KCNJ3: variants seen among roughly 807,000 people sequenced by gnomAD.
KCNJ3 encodes the protein G protein-activated inward rectifier potassium channel 1.
KCNJ3 carries 4 observed loss-of-function variants against 39.2 expected under a neutral mutation model. The observed-to-expected ratio is 0.10, with a 90% CI of 0.05 to 0.23. The LOEUF (loss-of-function observed/expected upper bound fraction) is 0.23. Ranked by LOEUF, KCNJ3 falls within the 10% of genes least tolerant of loss-of-function variation. The pLI is 1.00. For missense variants in KCNJ3, 276 were observed against 634.9 expected (o/e 0.43, Z 6.08); for synonymous variants, 230 against 237.4 (o/e 0.97, Z 0.29).
chr2:154,699,775 T>TAGTG lies in KCNJ3; in HGVS notation c.702+299_702+302dup, dbSNP rs909084976. 6.6e-6 allele frequency among the ~76,000 whole-genome samples: 1 copy of TAGTG among 152,118 alleles called. No homozygotes were observed. The highest frequency in any genetic ancestry group is 2.4e-5 in the African/African-American group (1 of 41,450). On this transcript the variant is annotated intron_variant, in intron 1 of 2. Coordinates refer to ENST00000295101, the MANE Select transcript of KCNJ3 (RefSeq NM_002239.4). The surrounding 1 kb of genome is among the most constrained non-coding windows in gnomAD (Gnocchi z 6.4). ...TGGCTCCTGGAGCCATGAGGGCAAT[T>TAGTG]AGTGCCCTGTTCGCCTTCCTGTCCC...
At chr2:154,777,125 A>G (rs538566943) in intron 2 of KCNJ3, among the ~76,000 whole-genome samples, 1 of 152,306 alleles carries the variant, frequency 6.6e-6, no homozygotes, top group African/African-American at 2.4e-5. Flanking sequence ...CAAAATAGCA[A>G]ATCCAGCCTG....
intron 2 of KCNJ3, among the ~76,000 whole-genome samples, chr2:154,815,942 A>G (rs1687077060): frequency 6.6e-6 from 1 of 152,182 alleles, no homozygotes; most frequent in Non-Finnish European, 1.5e-5. Context: ...GGCAGCCAGA[A>G]TATAAATGTG....
chr2:154,709,258 A>G (rs1685063914), intron 1 of KCNJ3: 2 of 251,074 alleles, frequency 8.0e-6, no homozygotes, highest in Non-Finnish European at 1.5e-5. Context: ...CTGGCATGCA[A>G]TGAGTTATCC....
At chr2:154,845,380 A>G (rs1159182453) in intron 2 of KCNJ3, among the ~76,000 whole-genome samples, 1 of 152,034 alleles carries the variant, frequency 6.6e-6, no homozygotes, top group Non-Finnish European at 1.5e-5. Flanking sequence ...TGGCCTCCCA[A>G]AGTGCTGGGA....
In KCNJ3 at chr2:154,806,776, T is replaced by G. The variant is rs183486350; in HGVS notation, c.920-47951T>G. Reference sequence around the variant, plus strand: ...TCAACCATGTCTGCCTTCCTCAGGTTTCCAGATTCAGCTACCTGAGCAAAT... The same window carrying G: ...TCAACCATGTCTGCCTTCCTCAGGTGTCCAGATTCAGCTACCTGAGCAAAT... On this transcript the variant is annotated intron_variant, in intron 2 of 2. Transcript: ENST00000295101. 2.0e-5 allele frequency among the ~76,000 whole-genome samples: 3 copies of G among 152,188 alleles called. No individual in the cohort carries two copies. The South Asian group carries it at 6.2e-4, about 32-fold the overall frequency.
intron 1 of KCNJ3, among the ~76,000 whole-genome samples, chr2:154,707,217 G>A (rs1685028595): frequency 6.6e-6 from 1 of 152,006 alleles, no homozygotes; most frequent in African/African-American, 2.4e-5. Flanking sequence ...AGGAAGACCT[G>A]GATAGGATAT....
intron 2 of KCNJ3, among the ~76,000 whole-genome samples, chr2:154,729,154 T>C (rs1272238093): frequency 1.3e-4 from 20 of 152,158 alleles, no homozygotes; most frequent in Non-Finnish European, 1.5e-5. Flanking sequence ...AGAAAACCTT[T>C]TTAGTGAGTG....
At chr2:154,835,082 A>G (rs1045947081) in intron 2 of KCNJ3, among the ~76,000 whole-genome samples, 16 of 151,484 alleles carry the variant, frequency 1.1e-4, no homozygotes, top group Non-Finnish European at 1.9e-4. Context: ...GTTATTCTTG[A>G]TTCATAAACT....
At chr2:154,851,556 G>C (rs1687756111) in intron 2 of KCNJ3, among the ~76,000 whole-genome samples, 2 of 152,144 alleles carry the variant, frequency 1.3e-5, no homozygotes, top group African/African-American at 4.8e-5. Context: ...AGAGCTTTAG[G>C]TAATTTTCAC....
intron 1 of KCNJ3, among the ~76,000 whole-genome samples, chr2:154,707,968 GA>G (rs759537603): frequency 3.3e-5 from 5 of 152,134 alleles, no homozygotes; most frequent in Non-Finnish European, 7.4e-5. Context: ...GGTCACTCAA[GA>G]AAGTTCTTTT....
At chr2:154,814,310 T>C (rs140022310) in intron 2 of KCNJ3, among the ~76,000 whole-genome samples, 1 of 152,210 alleles carries the variant, frequency 6.6e-6, no homozygotes, top group African/African-American at 2.4e-5. Context: ...AGTATACAAA[T>C]ATTATAATCC....
chr2:154,700,214 T>C (rs1205220067), intron 1 of KCNJ3, among the ~76,000 whole-genome samples: 1 of 152,242 alleles, frequency 6.6e-6, no homozygotes, highest in African/African-American at 2.4e-5. Context: ...GAAGCCTTTG[T>C]CAATTACAGA....
At chr2:154,723,419 G>A (rs1463429093) in intron 2 of KCNJ3, among the ~76,000 whole-genome samples, 1 of 152,192 alleles carries the variant, frequency 6.6e-6, no homozygotes, top group Non-Finnish European at 1.5e-5. Flanking sequence ...TGTATTGGGA[G>A]TAGGTTGTGG....
chr2:154,724,505 C>T (rs1685316460), intron 2 of KCNJ3, among the ~76,000 whole-genome samples: 1 of 151,922 alleles, frequency 6.6e-6, no homozygotes, highest in Non-Finnish European at 1.5e-5. Flanking sequence ...TGATGTGTCG[C>T]CAAGGTCAGC....
intron 2 of KCNJ3, among the ~76,000 whole-genome samples, chr2:154,829,508 A>ACTT (rs1296794642): frequency 6.6e-6 from 1 of 152,116 alleles, no homozygotes; most frequent in Non-Finnish European, 1.5e-5. Flanking sequence ...TATGTATCAC[A>ACTT]CTTTTAAAAT....
chr2:154,827,502 T>A (rs76698488), intron 2 of KCNJ3, among the ~76,000 whole-genome samples: 7,289 of 152,114 alleles, frequency 0.048, 219 homozygotes, highest in African/African-American at 0.066. Context: ...CTGCCTTATG[T>A]TAATGAGACT....
At chr2:154,709,122 A>G (rs2105151219) in intron 1 of KCNJ3, among the ~76,000 whole-genome samples, 1 of 152,330 alleles carries the variant, frequency 6.6e-6, no homozygotes, top group African/African-American at 2.4e-5. Context: ...TGAAAAATAA[A>G]TTGTTGTGTT....
chr2:154,729,671 TATC>T (rs1281444547), intron 2 of KCNJ3, among the ~76,000 whole-genome samples: 1 of 152,160 alleles, frequency 6.6e-6, no homozygotes, highest in Non-Finnish European at 1.5e-5. Context: ...TATCATGACT[TATC>T]ATCATCAATG....
intron 2 of KCNJ3, among the ~76,000 whole-genome samples, chr2:154,726,796 TACACAC>T (rs58366846): frequency 9.2e-4 from 106 of 115,448 alleles, no homozygotes; most frequent in South Asian, 7.6e-3. Flanking sequence ...TTTATATACA[TACACAC>T]ACACACACAC....
Sources: allele counts gnomAD v4.1 joint callset (sites outside exome capture counted in the v4.1 genomes callset), GRCh38; gene constraint gnomAD v4.1.1; non-coding constraint Gnocchi (gnomAD v3.1); transcripts MANE v1.5; gene names NCBI Gene and HGNC (gene_info 2026-07-23, HGNC 2026-07-21).